MTOR: variants seen among roughly 807,000 people sequenced by gnomAD.
MTOR encodes mechanistic target of rapamycin kinase.
In MTOR, 70 loss-of-function variants were observed where a neutral mutation model predicts 319.8. The ratio of observed to expected loss-of-function variants is 0.22; its 90% CI spans 0.18 to 0.27. The LOEUF is 0.27. MTOR is among the 10% of genes least tolerant of loss of function. The pLI is 1.00. For missense variants in MTOR, 1,890 were observed against 3,274.4 expected, an observed-to-expected ratio of 0.58 and a Z score of 10.32; for synonymous variants, 1,183 against 1,211.4, an observed-to-expected ratio of 0.98 and a Z score of 0.49.
At chr1:11,205,909 C>T (rs949340699) in intron 25 of MTOR, among the ~76,000 whole-genome samples, 1 of 152,192 alleles carries the variant, frequency 6.6e-6, no homozygotes, top group Non-Finnish European at 1.5e-5. Flanking sequence ...AAAAGACCCC[C>T]AGGTGCTATA....
At position 11,109,089 on chromosome 1, in the gene MTOR, C is replaced by T. The variant is rs1184475343; in HGVS notation, c.7528+201G>A. Among the ~76,000 whole-genome samples, 1 of 152,196 alleles carries T rather than the reference C, an allele frequency of 6.6e-6. No individual in the cohort carries two copies. The highest frequency in any genetic ancestry group is 1.5e-5 in the Non-Finnish European group (1 of 68,024). Reference sequence around the variant, plus strand: ...ACCTCCTGAGTTAAATGAGATTAAACTAACATTAAGTACTGTTATCAGTCA... The same window carrying T: ...ACCTCCTGAGTTAAATGAGATTAAATTAACATTAAGTACTGTTATCAGTCA... On this transcript the variant is annotated intron_variant, in intron 56 of 57. Transcript: ENST00000361445. This position sits in a 1 kb window ranked among gnomAD's most constrained non-coding sequence, Gnocchi z 4.0.
At position 11,210,925 on chromosome 1, in the gene MTOR, GA is replaced by G. The variant is rs1646291641; in HGVS notation, c.3562-20del. The G allele has an allele frequency of 1.3e-6, 2 of 1,483,460 alleles. No individual in the cohort carries two copies. The highest frequency in any genetic ancestry group is 1.9e-6 in the Non-Finnish European group (2 of 1,064,848). 91.9% of individuals were successfully genotyped at this position (1,483,460 alleles called of 1,614,324 possible). A position where few individuals can be genotyped will look rare whatever the true frequency, so the allele number is the denominator to read the frequency against. ...TTTGGTACTAAAACAGGAGGGGGAA[GA>G]GATGAGAAACTATCATTTTGGAGAG... On this transcript the variant is annotated intron_variant, in intron 23 of 57. Transcript: ENST00000361445.
chr1:11,229,237 A>G (rs1646941046), intron 18 of MTOR, among the ~76,000 whole-genome samples: 1 of 152,198 alleles, frequency 6.6e-6, no homozygotes, highest in African/African-American at 2.4e-5. Context: ...TGAAACCATC[A>G]ATAAAAATAA....
At chr1:11,232,554 G>A (rs527443881) in intron 15 of MTOR, 26 bp from the exon 16 acceptor site, 2 of 1,589,460 alleles carry the variant, frequency 1.3e-6, no homozygotes, top group African/African-American at 2.7e-5. Context: ...GAGGGTGGCA[G>A]AAAGGGTTAG....
intron 54 of MTOR, among the ~76,000 whole-genome samples, chr1:11,112,209 T>G (rs1475390520): frequency 2.0e-5 from 3 of 152,118 alleles, no homozygotes; most frequent in African/African-American, 7.2e-5. Flanking sequence ...CGCAAATAAA[T>G]TTCTGCTGCT....
chr1:11,200,434 G>A (rs1645923686), intron 26 of MTOR, among the ~76,000 whole-genome samples: 1 of 152,136 alleles, frequency 6.6e-6, no homozygotes, highest in Admixed American at 6.5e-5. Context: ...AGATTACTAT[G>A]ACCACTTTAC....
chr1:11,157,131 C>G (rs1644344063), intron 30 of MTOR, 21 bp downstream of exon 30: 1 of 1,576,562 alleles, frequency 6.3e-7, no homozygotes, highest in Admixed American at 1.9e-5. Flanking sequence ...GCCACACATG[C>G]CATCATTCTA....
Position 11,108,295 on chromosome 1 carries a change from G to C in MTOR, c.7529-9C>G, listed in dbSNP as rs767454853. The C allele has an allele frequency of 6.2e-7, 1 of 1,608,580 alleles. No individual in the cohort carries two copies. The highest frequency in any genetic ancestry group is 1.1e-5 in the South Asian group (1 of 90,920). ...ATGAGAGAAGTCCCGACCTAGCACAGGAGGAACAAAAACATTTCACTCTCT... is the reference window on the plus strand; with the variant it reads ...ATGAGAGAAGTCCCGACCTAGCACACGAGGAACAAAAACATTTCACTCTCT... On this transcript the variant is annotated splice_polypyrimidine_tract_variant and intron_variant, in intron 56 of 57. Coordinates refer to ENST00000361445, the MANE Select transcript of MTOR (RefSeq NM_004958.4).
At chr1:11,234,784 A>T (rs1647140474) in intron 13 of MTOR, among the ~76,000 whole-genome samples, 1 of 152,194 alleles carries the variant, frequency 6.6e-6, no homozygotes, top group Non-Finnish European at 1.5e-5. Context: ...AAACCTCAAT[A>T]GGTGGGGATC....
At chr1:11,232,646 G>T in intron 15 of MTOR, 118 bp from the exon 16 acceptor site, 1 of 728,270 alleles carries the variant, frequency 1.4e-6, no homozygotes, top group Admixed American at 2.4e-5. Context: ...AGGCTGAGGA[G>T]GGCAGATCAC....
intron 26 of MTOR, among the ~76,000 whole-genome samples, chr1:11,202,474 G>A (rs907145207): frequency 2.0e-5 from 3 of 150,120 alleles, no homozygotes; most frequent in South Asian, 2.1e-4. Context: ...TTTTTTTGGC[G>A]GGGTTGAGGG....
chr1:11,218,394 T>C (rs1646548251), intron 19 of MTOR, among the ~76,000 whole-genome samples: 2 of 151,296 alleles, frequency 1.3e-5, no homozygotes, highest in Admixed American at 1.3e-4. Context: ...CACACCATTG[T>C]ACTCCAACCT....
intron 28 of MTOR, among the ~76,000 whole-genome samples, chr1:11,190,796 A>C (rs28990993): frequency 0.012 from 1,799 of 152,328 alleles, 38 homozygotes; most frequent in African/African-American, 0.041. Flanking sequence ...TAGACATGTC[A>C]TTTCTTGCTG....
intron 34 of MTOR, 95 bp from the exon 35 acceptor site, chr1:11,139,753 G>T: frequency 6.7e-7 from 1 of 1,492,962 alleles, no homozygotes; most frequent in Non-Finnish European, 9.1e-7. Flanking sequence ...GTGCAGTGGT[G>T]CAATCTTGGC....
At chr1:11,181,734 A>T (rs1645150649) in intron 28 of MTOR, among the ~76,000 whole-genome samples, 1 of 152,210 alleles carries the variant, frequency 6.6e-6, no homozygotes, top group African/African-American at 2.4e-5. Context: ...AAGTCTCCAT[A>T]ATAGATATTT....
At chr1:11,222,766 T>TA (rs902739292) in intron 19 of MTOR, among the ~76,000 whole-genome samples, 16 of 151,564 alleles carry the variant, frequency 1.1e-4, no homozygotes, top group South Asian at 4.2e-4. Flanking sequence ...TTTTTTTTAA[T>TA]AAAAAAAATA....
chr1:11,209,303 T>C lies in MTOR; in HGVS notation c.3801+9A>G, dbSNP rs1451796910. The C allele has an allele frequency of 3.1e-6, 5 of 1,614,146 alleles. No homozygotes were observed. Among genetic ancestry groups the C allele is most frequent in the Middle Eastern group, 1.6e-4 (1 of 6,062 alleles). On this transcript the variant is annotated intron_variant, in intron 25 of 57. Transcript: ENST00000361445. ...CTCCTTTCCCAGTCACCTGAAACAA[T>C]GGACTTGCCTTTTGGAGGTTGATGG...
At chr1:11,174,882 G>A (rs1383991676) in intron 28 of MTOR, among the ~76,000 whole-genome samples, 1 of 152,154 alleles carries the variant, frequency 6.6e-6, no homozygotes, top group Non-Finnish European at 1.5e-5. Context: ...AGAGGAGTAC[G>A]TAACACCACA....
chr1:11,154,171 C>A (rs945770099), intron 30 of MTOR, among the ~76,000 whole-genome samples: 1 of 110,406 alleles, frequency 9.1e-6, no homozygotes, highest in African/African-American at 4.0e-5. Context: ...CTGAGAAAAA[C>A]AACAACAACA....
Sources: allele counts gnomAD v4.1 joint callset (sites outside exome capture counted in the v4.1 genomes callset), GRCh38; gene constraint gnomAD v4.1.1; non-coding constraint Gnocchi (gnomAD v3.1); transcripts MANE v1.5; gene names NCBI Gene and HGNC (gene_info 2026-07-23, HGNC 2026-07-21).